The following SEMA6D variants were observed in gnomAD, a reference collection of about 807,000 sequenced individuals.
The protein encoded by SEMA6D is semaphorin 6D.
In SEMA6D, 35 loss-of-function variants were observed where a neutral mutation model predicts 106.6. The observed-to-expected ratio is 0.33, with a 90% CI of 0.25 to 0.44. The LOEUF is 0.44. Among genes scored for constraint, SEMA6D ranks in the 20% least tolerant of loss-of-function variants. The pLI, the probability that SEMA6D is intolerant of heterozygous loss-of-function variation, is 1.00. For missense variants in SEMA6D, 1,185 were observed against 1,345.9 expected, an observed-to-expected ratio of 0.88 and a Z score of 1.87; for synonymous variants, 499 against 487.7, an observed-to-expected ratio of 1.02 and a Z score of -0.31.
At chr15:47,471,235 C>T (rs1159522330) in intron 3 of SEMA6D, among the ~76,000 whole-genome samples, 1 of 152,118 alleles carries the variant, frequency 6.6e-6, no homozygotes, top group Non-Finnish European at 1.5e-5. Flanking sequence ...TTTATAGACT[C>T]TGAGACACTG....
intron 3 of SEMA6D, among the ~76,000 whole-genome samples, chr15:47,589,729 C>A (rs563606678): frequency 1.3e-5 from 2 of 152,226 alleles, no homozygotes; most frequent in Non-Finnish European, 2.9e-5. Context: ...AGAACAGCAA[C>A]TCATCCACTG....
intron 3 of SEMA6D, among the ~76,000 whole-genome samples, chr15:47,533,040 A>T (rs2045029234): frequency 6.6e-6 from 1 of 152,206 alleles, no homozygotes; most frequent in Non-Finnish European, 1.5e-5. Context: ...CAAGTAAAAC[A>T]GAAAAAAAAA....
intron 1 of SEMA6D, among the ~76,000 whole-genome samples, chr15:47,347,453 G>A (rs513504): frequency 0.87 from 132,744 of 152,264 alleles, 58,063 homozygotes; most frequent in African/African-American, 0.88. Flanking sequence ...ATTTCAGACT[G>A]CAGCACTTGT....
intron 1 of SEMA6D, among the ~76,000 whole-genome samples, chr15:47,254,918 C>CGTGTGTGTGTGTGTGTGT (rs2033722919): frequency 2.3e-5 from 1 of 43,064 alleles, no homozygotes; most frequent in Non-Finnish European, 6.1e-5. Flanking sequence ...TGTGTGTGTC[C>CGTGTGTGTGTGTGTGTGT]TTGTCTAGTT....
At chr15:47,522,472 A>G (rs1301407576) in intron 3 of SEMA6D, among the ~76,000 whole-genome samples, 3 of 152,184 alleles carry the variant, frequency 2.0e-5, no homozygotes, top group African/African-American at 7.2e-5. Flanking sequence ...TTTACACTCT[A>G]TCTGGAAGGG....
chr15:47,438,520 A>G (rs891310601), intron 2 of SEMA6D, among the ~76,000 whole-genome samples: 8 of 151,972 alleles, frequency 5.3e-5, no homozygotes, highest in Admixed American at 3.9e-4. Context: ...CTCCTCCCCT[A>G]AAATCTCCCA....
intron 1 of SEMA6D, among the ~76,000 whole-genome samples, chr15:47,724,875 C>T (rs1291222044): frequency 6.6e-6 from 1 of 152,158 alleles, no homozygotes; most frequent in Non-Finnish European, 1.5e-5. Context: ...AGGACTAAAA[C>T]CCGCACATCA....
intron 1 of SEMA6D, among the ~76,000 whole-genome samples, chr15:47,218,396 GT>G (rs1312904420): frequency 6.6e-6 from 1 of 152,084 alleles, no homozygotes; most frequent in Non-Finnish European, 1.5e-5. Flanking sequence ...CCTATTATGG[GT>G]TGAATGTACT....
intron 1 of SEMA6D, among the ~76,000 whole-genome samples, chr15:47,243,624 G>C (rs1321762123): frequency 6.6e-6 from 1 of 152,108 alleles, no homozygotes; most frequent in Non-Finnish European, 1.5e-5. Flanking sequence ...AAAAGTGGCA[G>C]AAAGTGTTTT....
chr15:47,514,878 A>T (rs185067215), intron 3 of SEMA6D, among the ~76,000 whole-genome samples: 1 of 152,348 alleles, frequency 6.6e-6, no homozygotes, highest in East Asian at 1.9e-4. Context: ...GATTAGAGAT[A>T]CAGAAGCTCA....
chr15:47,490,519 C>T (rs1039461643), intron 3 of SEMA6D, among the ~76,000 whole-genome samples: 1 of 152,090 alleles, frequency 6.6e-6, no homozygotes, highest in African/African-American at 2.4e-5. Flanking sequence ...GTGGCATGCG[C>T]CTGTAGTTCC....
chr15:47,391,011 C>G (rs1364972162), intron 1 of SEMA6D, among the ~76,000 whole-genome samples: 1 of 152,166 alleles, frequency 6.6e-6, no homozygotes, highest in Non-Finnish European at 1.5e-5. Flanking sequence ...ATTCTTGCCT[C>G]CAGTATGAGC....
At chr15:47,303,140 G>T (rs1055648046) in intron 1 of SEMA6D, among the ~76,000 whole-genome samples, 8 of 152,204 alleles carry the variant, frequency 5.3e-5, no homozygotes, top group African/African-American at 1.9e-4. Context: ...AGGAGCAAAA[G>T]TATGCCTAAC....
intron 1 of SEMA6D, among the ~76,000 whole-genome samples, chr15:47,282,624 G>A (rs1013627169): frequency 2.0e-5 from 3 of 152,074 alleles, no homozygotes; most frequent in Admixed American, 1.3e-4. Context: ...TAAAATGTCT[G>A]TGAACAGTGT....
intron 2 of SEMA6D, among the ~76,000 whole-genome samples, chr15:47,454,747 CTT>C (rs894015213): frequency 2.0e-5 from 3 of 151,934 alleles, no homozygotes; most frequent in Non-Finnish European, 2.9e-5. Context: ...GTCCTGAAGA[CTT>C]TTCATTACAG....
chr15:47,290,009 G>A (rs987804890), intron 1 of SEMA6D, among the ~76,000 whole-genome samples: 1 of 151,950 alleles, frequency 6.6e-6, no homozygotes, highest in Non-Finnish European at 1.5e-5. Flanking sequence ...AATCTTAAAA[G>A]TAAAGAAAAA....
At chr15:47,466,086 A>G (rs1320418966) in intron 2 of SEMA6D, among the ~76,000 whole-genome samples, 7 of 152,212 alleles carry the variant, frequency 4.6e-5, no homozygotes, top group African/African-American at 1.7e-4. Context: ...TGATGTACAT[A>G]TATATTGTGA....
At chr15:47,431,716 G>A (rs1298305991) in intron 2 of SEMA6D, among the ~76,000 whole-genome samples, 1 of 152,124 alleles carries the variant, frequency 6.6e-6, no homozygotes, top group African/African-American at 2.4e-5. Context: ...AATGCTTCCT[G>A]TGTGATCTGT....
At chr15:47,703,917 T>C (rs2078863619) in intron 4 of SEMA6D, among the ~76,000 whole-genome samples, 1 of 152,176 alleles carries the variant, frequency 6.6e-6, no homozygotes, top group African/African-American at 2.4e-5. Context: ...TCACTCTTAA[T>C]GAAGGCAAAA....
Sources: allele counts gnomAD v4.1 joint callset (sites outside exome capture counted in the v4.1 genomes callset), GRCh38; gene constraint gnomAD v4.1.1; transcripts MANE v1.5; gene names NCBI Gene and HGNC (gene_info 2026-07-23, HGNC 2026-07-21).